VWA8: variants seen among roughly 807,000 people sequenced by gnomAD.
VWA8 encodes von Willebrand factor A domain containing 8, also known as von Willebrand factor A domain-containing protein 8.
In VWA8, 221 loss-of-function variants were observed where a neutral mutation model predicts 241.5. The ratio of observed to expected loss-of-function variants is 0.91; its 90% confidence interval spans 0.82 to 1.02. The LOEUF is 1.02. VWA8 is among the 50% of genes least tolerant of loss of function. VWA8 has a pLI of 0.00. For synonymous variants in VWA8, 852 were observed against 827.1 expected (o/e 1.03, Z -0.52); for missense variants, 2,322 against 2,328.7 (o/e 1.00, Z 0.06).
In VWA8 at chr13:41,931,140, CT is replaced by C. The variant is rs1765461174; in HGVS notation, c.241+18795del. On this transcript the variant is annotated intron_variant, in intron 2 of 44. Coordinates refer to ENST00000379310, the MANE Select transcript of VWA8 (RefSeq NM_015058.2). ...CTCCAGCCTGGGCAACAGAGTGAGA[CT>C]CCGTCTCAGGGGAAAAAAAAAAAAA... 2.1e-5 allele frequency among the ~76,000 whole-genome samples: 3 copies of C among 142,132 alleles called. No individual in the cohort carries two copies. The Admixed American group carries it at 2.2e-4, about 10-fold the overall frequency. 93.2% of individuals were successfully genotyped at this position (142,132 alleles called of 152,430 possible).
chr13:41,573,504 T>TATAC (rs2044327336), intron 43 of VWA8, among the ~76,000 whole-genome samples: 1 of 142,180 alleles, frequency 7.0e-6, no homozygotes, highest in East Asian at 2.0e-4. Flanking sequence ...TATATATATA[T>TATAC]ATACCTCTCT....
rs560152446 is a variant in VWA8 at position 41,926,134 on chromosome 13, T to C, written c.242-13966A>G. 14 of 586,050 alleles carry C rather than the reference T, an allele frequency of 2.4e-5. No homozygotes were observed. The East Asian group carries it at 4.0e-4, about 17-fold the overall frequency. 36.3% of individuals were successfully genotyped at this position (586,050 alleles called of 1,614,324 possible). ...AGTAAGAAACTGCATCAAGGAGACATAATTGGAGTTCAGGGGAACCCTGGG... is the reference window on the plus strand; with the variant it reads ...AGTAAGAAACTGCATCAAGGAGACACAATTGGAGTTCAGGGGAACCCTGGG... On this transcript the variant is annotated intron_variant, in intron 2 of 44. Coordinates refer to ENST00000379310, the MANE Select transcript of VWA8 (RefSeq NM_015058.2).
intron 37 of VWA8, 21 bp downstream of exon 37, chr13:41,670,925 T>C (rs2045017801): frequency 1.9e-6 from 3 of 1,612,256 alleles, no homozygotes; most frequent in Non-Finnish European, 2.5e-6. Flanking sequence ...CTCTAAGAGA[T>C]AAGGTGAATT....
chr13:41,638,236 A>G (rs7998607), intron 37 of VWA8, among the ~76,000 whole-genome samples: 6,026 of 152,318 alleles, frequency 0.04, 258 homozygotes, highest in African/African-American at 0.098. Context: ...GTAAACTAGC[A>G]TTCAAACATA....
chr13:41,755,737 C>T (rs1488745600), intron 21 of VWA8, among the ~76,000 whole-genome samples: 1 of 151,242 alleles, frequency 6.6e-6, no homozygotes, highest in Non-Finnish European at 1.5e-5. Context: ...TTCTTTTTGC[C>T]CAATGAAAGA....
At chr13:41,588,660 G>A (rs1186064039) in intron 41 of VWA8, among the ~76,000 whole-genome samples, 1 of 151,390 alleles carries the variant, frequency 6.6e-6, no homozygotes, top group African/African-American at 2.4e-5. Context: ...GTTTGAGGCT[G>A]TAGTGAGCTA....
intron 9 of VWA8, among the ~76,000 whole-genome samples, chr13:41,872,809 T>G (rs897521089): frequency 6.6e-6 from 1 of 152,186 alleles, no homozygotes. Flanking sequence ...TGGTTCCATA[T>G]GAACTTTAAA....
At chr13:41,912,236 T>C (rs904785732) in intron 2 of VWA8, 68 bp from the exon 3 acceptor site, 107 of 1,292,686 alleles carry the variant, frequency 8.3e-5, no homozygotes, top group Non-Finnish European at 9.7e-5. Context: ...CTCCAAGTAA[T>C]GTGGACATAT....
At position 41,657,428 on chromosome 13, in the gene VWA8, C is replaced by T. The variant is rs146935226; in HGVS notation, c.4611+13518G>A. 1.3e-4 allele frequency among the ~76,000 whole-genome samples: 19 copies of T among 151,604 alleles called. 1 individual carries two copies. The East Asian group carries it at 3.7e-3, about 29-fold the overall frequency. On this transcript the variant is annotated intron_variant, in intron 37 of 44. Coordinates refer to ENST00000379310, the MANE Select transcript of VWA8 (RefSeq NM_015058.2). ...CATACTTTTTGATTCCATAATAAAT[C>T]TGGAATCACATAAATAATAAGTCCT...
chr13:41,776,255 C>T (rs1389800515), intron 20 of VWA8, among the ~76,000 whole-genome samples: 1 of 152,198 alleles, frequency 6.6e-6, no homozygotes, highest in Non-Finnish European at 1.5e-5. Flanking sequence ...CTGAAAAGGA[C>T]ACACTGAGTG....
At chr13:41,729,780 G>C (rs2045466892) in intron 22 of VWA8, 103 bp from the exon 23 acceptor site, 3 of 808,778 alleles carry the variant, frequency 3.7e-6, no homozygotes, top group Non-Finnish European at 5.6e-6. Context: ...CTTTATTTAA[G>C]TTACAAGTAT....
intron 16 of VWA8, among the ~76,000 whole-genome samples, chr13:41,815,440 T>A (rs1327338583): frequency 1.3e-5 from 2 of 152,234 alleles, no homozygotes; most frequent in Non-Finnish European, 2.9e-5. Context: ...GCACTATGTG[T>A]GTGGACCCTA....
At chr13:41,577,451 G>C (rs954184519) in intron 42 of VWA8, among the ~76,000 whole-genome samples, 1 of 152,212 alleles carries the variant, frequency 6.6e-6, no homozygotes, top group Admixed American at 6.5e-5. Flanking sequence ...GAGCTCAGCT[G>C]TTAGAAATTG....
chr13:41,570,524 G>A lies in VWA8; in HGVS notation c.5553C>T (p.Asp1851=). 6.2e-7 allele frequency: 1 copy of A among 1,614,196 alleles called. No homozygotes were observed. Among genetic ancestry groups the A allele is most frequent in the South Asian group, 1.1e-5 (1 of 91,082 alleles). ...AAATGGCAAAAGCATTTACTTGAGG[G>A]TCTCTTGTGAGGATTTGAGCAAACT... ...PAKFAQILTR[D]PQVNAFAIFI... is the part of the protein sequence containing the mutation. The change falls in exon 44 of 45, where the codon GAC becomes GAT. Residue 1851 remains aspartate (D), a synonymous_variant. Transcript: ENST00000379310.
chr13:41,643,255 C>A (rs1428047589), intron 37 of VWA8, among the ~76,000 whole-genome samples: 1 of 152,192 alleles, frequency 6.6e-6, no homozygotes, highest in Non-Finnish European at 1.5e-5. Flanking sequence ...TTCCCTACTG[C>A]ATGAACCTAT....
At chr13:41,901,851 A>ACAAG (rs1430177858) in intron 4 of VWA8, among the ~76,000 whole-genome samples, 10 of 130,002 alleles carry the variant, frequency 7.7e-5, no homozygotes, top group Non-Finnish European at 1.1e-4. Context: ...GGGTGACAGA[A>ACAAG]CAAGACTCCA....
At chr13:41,816,601 C>A in intron 16 of VWA8, 97 bp downstream of exon 16, 2 of 1,205,164 alleles carry the variant, frequency 1.7e-6, no homozygotes, top group South Asian at 1.4e-5. Flanking sequence ...AAATAAAATA[C>A]CAGCTTAAAA....
At chr13:41,661,458 T>C (rs1356135345) in intron 37 of VWA8, among the ~76,000 whole-genome samples, 1 of 152,156 alleles carries the variant, frequency 6.6e-6, no homozygotes, top group Non-Finnish European at 1.5e-5. Context: ...GTAGAACTAC[T>C]AACTCTGCCA....
At chr13:41,722,041 A>C (rs903410930) in intron 24 of VWA8, among the ~76,000 whole-genome samples, 5 of 152,172 alleles carry the variant, frequency 3.3e-5, no homozygotes, top group Non-Finnish European at 5.9e-5. Context: ...AATGGTTCTG[A>C]GACGGCCTTT....
Sources: gnomAD v4.1 joint callset for allele counts (sites outside exome capture counted in the v4.1 genomes callset) on GRCh38, gnomAD v4.1.1 for gene constraint, MANE v1.5 for transcripts, NCBI Gene and HGNC (gene_info 2026-07-23, HGNC 2026-07-21) for gene names.